Variants in HACD2 observed in about 807,000 individuals in gnomAD.
The protein encoded by HACD2 is very-long-chain (3R)-3-hydroxyacyl-CoA dehydratase 2.
HACD2 carries 15 observed loss-of-function variants against 31.0 expected under a neutral mutation model. The observed-to-expected ratio is 0.48, with a 90% CI of 0.32 to 0.75. HACD2 has a LOEUF of 0.75. Ranked by LOEUF, HACD2 falls within the 30% of genes least tolerant of loss-of-function variation. HACD2 has a pLI of 0.03. For synonymous variants in HACD2, 115 were observed against 122.2 expected (o/e 0.94, Z 0.39); for missense variants, 283 against 313.0 (o/e 0.90, Z 0.72).
chr3:123,570,537 ACAGT>A (rs1398971506), intron 2 of HACD2, among the ~76,000 whole-genome samples: 3 of 152,240 alleles, frequency 2.0e-5, no homozygotes, highest in South Asian at 2.1e-4. Context: ...AAAGTAAGTA[ACAGT>A]CAAAGTAGAG....
intron 3 of HACD2, among the ~76,000 whole-genome samples, chr3:123,562,337 G>A (rs1269705645): frequency 6.6e-6 from 1 of 152,124 alleles, no homozygotes; most frequent in Non-Finnish European, 1.5e-5. Context: ...TCTGGAGGCC[G>A]TATTTGCCAA....
intron 2 of HACD2, among the ~76,000 whole-genome samples, chr3:123,581,360 A>G (rs2056965082): frequency 6.6e-6 from 1 of 152,176 alleles, no homozygotes; most frequent in Admixed American, 6.5e-5. Flanking sequence ...CTTGGACAGA[A>G]GAATGGGCAT....
At chr3:123,581,921 T>C (rs1312256271) in intron 2 of HACD2, among the ~76,000 whole-genome samples, 1 of 152,202 alleles carries the variant, frequency 6.6e-6, no homozygotes, top group Non-Finnish European at 1.5e-5. Flanking sequence ...ATTTTGCCAG[T>C]GCTTCCCCAG....
intron 3 of HACD2, among the ~76,000 whole-genome samples, chr3:123,539,912 A>T (rs978345503): frequency 3.6e-5 from 1 of 27,920 alleles, no homozygotes; most frequent in African/African-American, 9.5e-5. Flanking sequence ...CGTCTCTACT[A>T]AAAAAAAAAA....
chr3:123,544,667 G>C (rs912169046), intron 3 of HACD2, among the ~76,000 whole-genome samples: 17 of 152,050 alleles, frequency 1.1e-4, no homozygotes, highest in Non-Finnish European at 1.0e-4. Flanking sequence ...TTTACTTTTT[G>C]AAGGTTTAAA....
chr3:123,497,635 C>T (rs2055850172), intron 6 of HACD2, among the ~76,000 whole-genome samples: 1 of 152,204 alleles, frequency 6.6e-6, no homozygotes, highest in South Asian at 2.1e-4. Context: ...CCAATTTTCA[C>T]CAATTTGGGG....
At chr3:123,543,500 G>A (rs1034464703) in intron 3 of HACD2, among the ~76,000 whole-genome samples, 8 of 152,158 alleles carry the variant, frequency 5.3e-5, no homozygotes, top group African/African-American at 1.9e-4. Context: ...GCACTGGATG[G>A]CTGGGGGACT....
intron 3 of HACD2, among the ~76,000 whole-genome samples, chr3:123,532,646 T>C (rs974026695): frequency 2.0e-5 from 3 of 152,022 alleles, no homozygotes; most frequent in African/African-American, 7.2e-5. Context: ...ACCTGGCCCC[T>C]GGCCAACATG....
rs148301485 is a variant in HACD2, at chr3:123,574,459, T to C, written c.274-6679A>G. Among the ~76,000 whole-genome samples, 159 of 152,296 alleles carry C rather than the reference T, an allele frequency of 1.0e-3. 3 individuals are homozygous for C. The East Asian group carries it at 0.027, about 26-fold the overall frequency. On this transcript the variant is annotated intron_variant, in intron 2 of 6. Transcript: ENST00000383657. Reference sequence around the variant, plus strand: ...AGTCCATTTGTATAAACATAAAAAATGATGTATTTTTACTATACTCTATTA... The same window carrying C: ...AGTCCATTTGTATAAACATAAAAAACGATGTATTTTTACTATACTCTATTA...
chr3:123,539,542 C>A (rs933050134), intron 3 of HACD2, among the ~76,000 whole-genome samples: 18 of 151,986 alleles, frequency 1.2e-4, no homozygotes, highest in Non-Finnish European at 2.5e-4. Context: ...TACACTCCAG[C>A]CTGGGCAACA....
intron 2 of HACD2, among the ~76,000 whole-genome samples, chr3:123,570,881 T>C (rs2056847356): frequency 6.7e-6 from 1 of 148,320 alleles, no homozygotes; most frequent in Non-Finnish European, 1.5e-5. Context: ...TATCCCAAAA[T>C]AAAATTTACA....
chr3:123,500,331 T>C (rs1189903409), intron 6 of HACD2, among the ~76,000 whole-genome samples, 184 bp downstream of exon 6: 2 of 152,242 alleles, frequency 1.3e-5, no homozygotes, highest in African/African-American at 4.8e-5. Flanking sequence ...GAAGGGTTCA[T>C]CTTTATTCAA....
At chr3:123,553,020 C>T (rs962023484) in intron 3 of HACD2, among the ~76,000 whole-genome samples, 1 of 151,882 alleles carries the variant, frequency 6.6e-6, no homozygotes, top group Non-Finnish European at 1.5e-5. Flanking sequence ...AAAAGAGAAA[C>T]AAAATAATGA....
In HACD2 at chr3:123,566,450, C is replaced by T. The variant is rs374941342; in HGVS notation, c.292+1312G>A. 7.2e-5 allele frequency among the ~76,000 whole-genome samples: 11 copies of T among 151,992 alleles called. No homozygotes were observed. The East Asian group carries it at 1.2e-3, about 16-fold the overall frequency. On this transcript the variant is annotated intron_variant, in intron 3 of 6. Transcript: ENST00000383657. ...CAGGCATGCACGACCACACCTGGCT[C>T]GTTTTTTATTTTTTGTAGAGATGGG...
At chr3:123,565,547 T>G (rs2056781004) in intron 3 of HACD2, among the ~76,000 whole-genome samples, 1 of 152,202 alleles carries the variant, frequency 6.6e-6, no homozygotes, top group Admixed American at 6.5e-5. Flanking sequence ...AGCACCACCT[T>G]GATCTTGGAA....
chr3:123,507,630 T>G (rs567176364), intron 4 of HACD2, among the ~76,000 whole-genome samples: 50 of 152,214 alleles, frequency 3.3e-4, no homozygotes, highest in Non-Finnish European at 6.0e-4. Context: ...TAAAAGGGCA[T>G]AAGGTCTCCA....
intron 3 of HACD2, among the ~76,000 whole-genome samples, chr3:123,564,458 C>T (rs1204072362): frequency 6.6e-6 from 1 of 152,126 alleles, no homozygotes; most frequent in East Asian, 1.9e-4. Flanking sequence ...GGGCTCAGTC[C>T]AACGAAGGCT....
chr3:123,510,028 T>C (rs1435370776), intron 4 of HACD2, among the ~76,000 whole-genome samples: 1 of 152,232 alleles, frequency 6.6e-6, no homozygotes, highest in East Asian at 1.9e-4. Flanking sequence ...TTAACAGTTT[T>C]AAGTGCATAA....
chr3:123,518,554 A>G (rs975932812), intron 4 of HACD2, among the ~76,000 whole-genome samples: 1 of 152,234 alleles, frequency 6.6e-6, no homozygotes, highest in Non-Finnish European at 1.5e-5. Flanking sequence ...AAGTCTGATT[A>G]GTTTTTACAC....
Sources: allele counts gnomAD v4.1 joint callset (sites outside exome capture counted in the v4.1 genomes callset), GRCh38; gene constraint gnomAD v4.1.1; transcripts MANE v1.5; gene names NCBI Gene and HGNC (gene_info 2026-07-23, HGNC 2026-07-21).